ASH1L: variants seen among roughly 807,000 people sequenced by gnomAD.
ASH1L encodes the protein histone-lysine N-methyltransferase ASH1L.
A neutral mutation model predicts 269.0 loss-of-function variants in ASH1L; 23 were observed. That is an observed-to-expected ratio of 0.09 (90% CI 0.06 to 0.12). ASH1L has a LOEUF of 0.12. Ranked by LOEUF, ASH1L falls within the 10% of genes least tolerant of loss-of-function variation. The pLI is 1.00. For missense variants in ASH1L, 2,912 were observed against 3,567.8 expected, an observed-to-expected ratio of 0.82 and a Z score of 4.68; for synonymous variants, 1,187 against 1,253.5, an observed-to-expected ratio of 0.95 and a Z score of 1.12.
At chr1:155,517,915 C>T (rs1668610383) in intron 2 of ASH1L, among the ~76,000 whole-genome samples, 1 of 148,430 alleles carries the variant, frequency 6.7e-6, no homozygotes, top group Non-Finnish European at 1.5e-5. Flanking sequence ...ATTCTCCTGC[C>T]TCAGCCTCCC....
chr1:155,535,205 A>T (rs1669970485), intron 1 of ASH1L, among the ~76,000 whole-genome samples: 2 of 151,310 alleles, frequency 1.3e-5, no homozygotes, highest in Non-Finnish European at 3.0e-5. Flanking sequence ...AAAAAAAAAA[A>T]GTAAAATCTA....
At chr1:155,534,661 G>C (rs1669927727) in intron 1 of ASH1L, among the ~76,000 whole-genome samples, 1 of 152,028 alleles carries the variant, frequency 6.6e-6, no homozygotes, top group Non-Finnish European at 1.5e-5. Context: ...TTAAATTTTA[G>C]GTACCTGTGA....
At chr1:155,492,990 A>G (rs1222226304) in intron 2 of ASH1L, among the ~76,000 whole-genome samples, 1 of 151,844 alleles carries the variant, frequency 6.6e-6, no homozygotes, top group African/African-American at 2.4e-5. Context: ...TGCCTGGCTA[A>G]TTTTTTCTAG....
chr1:155,438,042 T>C (rs911616410), intron 5 of ASH1L, among the ~76,000 whole-genome samples: 2 of 152,066 alleles, frequency 1.3e-5, no homozygotes, highest in African/African-American at 4.8e-5. Context: ...AGAGAAAGGG[T>C]TTACCATGTT....
chr1:155,557,703 A>G (rs987323378), intron 1 of ASH1L, among the ~76,000 whole-genome samples: 1 of 152,222 alleles, frequency 6.6e-6, no homozygotes, highest in African/African-American at 2.4e-5. Flanking sequence ...ATTAACTATG[A>G]TGACAAGCAA....
chr1:155,434,198 C>G, intron 5 of ASH1L: 1 of 1,595,406 alleles, frequency 6.3e-7, no homozygotes, highest in Non-Finnish European at 8.5e-7. Context: ...GGTCCCTTTC[C>G]CTGAGGGGGA....
intron 7 of ASH1L, among the ~76,000 whole-genome samples, chr1:155,386,912 G>A (rs1189617647): frequency 6.6e-6 from 1 of 151,806 alleles, no homozygotes; most frequent in African/African-American, 2.4e-5. Flanking sequence ...CTTTGCCTGT[G>A]CCTATGTCCT....
chr1:155,364,125 C>A (rs1655205667), intron 12 of ASH1L, among the ~76,000 whole-genome samples: 1 of 152,040 alleles, frequency 6.6e-6, no homozygotes, highest in African/African-American at 2.4e-5. Context: ...AAAACTCCAT[C>A]CCTATCAAAA....
intron 25 of ASH1L, among the ~76,000 whole-genome samples, chr1:155,341,463 A>C (rs1652811248): frequency 6.6e-6 from 1 of 152,200 alleles, no homozygotes; most frequent in Non-Finnish European, 1.5e-5. Flanking sequence ...GGCGTGAGCC[A>C]CCGCGCCTGG....
At chr1:155,483,343 T>C (rs1335987861) in intron 2 of ASH1L, among the ~76,000 whole-genome samples, 3 of 152,042 alleles carry the variant, frequency 2.0e-5, no homozygotes, top group Non-Finnish European at 2.9e-5. Flanking sequence ...TTTAGAAAAA[T>C]TGATTGTGAT....
chr1:155,446,384 C>T lies in ASH1L; in HGVS notation c.5087-7316G>A, dbSNP rs542857449. Among the ~76,000 whole-genome samples, 12 of 150,844 alleles carry T rather than the reference C, an allele frequency of 8.0e-5. 1 individual carries two copies. In the South Asian group the frequency reaches 1.7e-3, roughly 21 times the overall value. ...CATGATCTTGGTTCACTGCAACCTC[C>T]ACCTCCCGGGTTCAAGCAATTCTCA... On this transcript the variant is annotated intron_variant, in intron 4 of 27. Transcript: ENST00000392403.
At chr1:155,349,216 GC>G in intron 19 of ASH1L, 110 bp downstream of exon 19, 1 of 1,251,954 alleles carries the variant, frequency 8.0e-7, no homozygotes, top group South Asian at 1.5e-5. Flanking sequence ...AAAATGACTG[GC>G]TTTTCCAACC....
chr1:155,449,230 G>T (rs747436573), intron 4 of ASH1L, among the ~76,000 whole-genome samples: 2 of 151,760 alleles, frequency 1.3e-5, no homozygotes, highest in Non-Finnish European at 2.9e-5. Context: ...CACCACGCCC[G>T]GCCCTATGTG....
Position 155,438,794 on chromosome 1 carries a change from T to C in ASH1L, c.5361A>G (p.Thr1787=), listed in dbSNP as rs1662309611. The part of the protein sequence containing the change: ...NSISLLSEKL[T]SSCSPHHIKR... ...TGATATGATGGGGGGAACAGCTGCT[T>C]GTCAACTTTTCAGATAGGAGTGAGA... The change falls in exon 5 of 28, where the codon ACA becomes ACG. Residue 1787 remains threonine, a synonymous_variant. Coordinates refer to ENST00000392403, the MANE Select transcript of ASH1L (RefSeq NM_018489.3). The C allele has an allele frequency of 1.9e-6, 3 of 1,614,114 alleles. No individual in the cohort carries two copies. Among genetic ancestry groups the C allele is most frequent in the African/African-American group, 1.3e-5 (1 of 74,932 alleles).
At chr1:155,544,468 T>C (rs894998703) in intron 1 of ASH1L, among the ~76,000 whole-genome samples, 1 of 151,506 alleles carries the variant, frequency 6.6e-6, no homozygotes, top group Non-Finnish European at 1.5e-5. Context: ...TTTGTATTTT[T>C]AGTAGAGATG....
At position 155,337,629 on chromosome 1, in the gene ASH1L, C is replaced by T. The variant is rs1452428099; in HGVS notation, c.*31G>A. On this transcript the variant is annotated 3_prime_UTR_variant, in exon 28 of 28. Coordinates refer to ENST00000392403, the MANE Select transcript of ASH1L (RefSeq NM_018489.3). ...CAGGACTGATTAGCTCCACTGGATC[C>T]CAGATGCTTGAGGTTCTCATTCTTT... The T allele has an allele frequency of 6.3e-7, 1 of 1,587,378 alleles. No homozygotes were observed. The highest frequency in any genetic ancestry group is 8.7e-7 in the Non-Finnish European group (1 of 1,156,054).
Position 155,365,004 on chromosome 1 carries a change from C to T in ASH1L, c.6687-4595G>A, listed in dbSNP as rs948858984. Among the ~76,000 whole-genome samples, 5 of 151,020 alleles carry T rather than the reference C, an allele frequency of 3.3e-5. No homozygotes were observed. In the East Asian group the frequency reaches 9.8e-4, roughly 30 times the overall value. On this transcript the variant is annotated intron_variant, in intron 12 of 27. Coordinates refer to ENST00000392403, the MANE Select transcript of ASH1L (RefSeq NM_018489.3). ...TTCCTTTACTTTCTTAATAAACTTG[C>T]TTTCACTTTATTCTATGGACTCACC... is the stretch of plus-strand genomic sequence containing the variant.
chr1:155,434,895 T>C (rs558608691), intron 5 of ASH1L, among the ~76,000 whole-genome samples: 38 of 151,790 alleles, frequency 2.5e-4, no homozygotes, highest in African/African-American at 8.7e-4. Flanking sequence ...TGGTGAGTCA[T>C]GCCTGTAATC....
chr1:155,513,426 G>A (rs1668297484), intron 2 of ASH1L, among the ~76,000 whole-genome samples: 1 of 151,664 alleles, frequency 6.6e-6, no homozygotes, highest in Non-Finnish European at 1.5e-5. Context: ...CAAAAAATGA[G>A]CCAGGAGTGG....
Sources: allele counts gnomAD v4.1 joint callset (sites outside exome capture counted in the v4.1 genomes callset), GRCh38; gene constraint gnomAD v4.1.1; transcripts MANE v1.5; gene names NCBI Gene and HGNC (gene_info 2026-07-23, HGNC 2026-07-21).